The following PPIP5K2 variants were observed in gnomAD, a reference collection of about 807,000 sequenced individuals.
PPIP5K2 encodes the protein inositol hexakisphosphate and diphosphoinositol-pentakisphosphate kinase 2.
A neutral mutation model predicts 154.6 loss-of-function variants in PPIP5K2; 105 were observed. That is an observed-to-expected ratio of 0.68 (90% CI 0.58 to 0.80). The LOEUF (loss-of-function observed/expected upper bound fraction) is 0.80, where lower values mean the gene tolerates loss of function less well. Ranked by LOEUF, PPIP5K2 falls within the 30% of genes least tolerant of loss-of-function variation. The probability of loss-of-function intolerance (pLI) is 0.00; values close to 1 mark genes in which losing one functional copy is unlikely to be tolerated. For missense variants in PPIP5K2, 992 were observed against 1,504.6 expected (o/e 0.66, Z 5.64); for synonymous variants, 480 against 490.3 (o/e 0.98, Z 0.28).
At chr5:103,172,612 C>T (rs1268923609) in intron 19 of PPIP5K2, among the ~76,000 whole-genome samples, 1 of 151,458 alleles carries the variant, frequency 6.6e-6, no homozygotes, top group African/African-American at 2.4e-5. Context: ...TGTGCTAATT[C>T]CTTACAAATC....
At chr5:103,197,893 T>A (rs1461376245) in intron 30 of PPIP5K2, among the ~76,000 whole-genome samples, 2 of 151,790 alleles carry the variant, frequency 1.3e-5, no homozygotes, top group South Asian at 2.1e-4. Flanking sequence ...ACACAATTTT[T>A]AAAAAATTAT....
intron 29 of PPIP5K2, among the ~76,000 whole-genome samples, chr5:103,193,796 C>G (rs1160074778): frequency 6.6e-6 from 1 of 152,138 alleles, no homozygotes; most frequent in Non-Finnish European, 1.5e-5. Flanking sequence ...CAAAAGCATG[C>G]TGCCTCTCCC....
At chr5:103,150,034 T>G (rs564856137) in intron 8 of PPIP5K2, among the ~76,000 whole-genome samples, 1 of 152,288 alleles carries the variant, frequency 6.6e-6, no homozygotes, top group South Asian at 2.1e-4. Flanking sequence ...CTTCTGACAT[T>G]TGACTAATTC....
intron 7 of PPIP5K2, among the ~76,000 whole-genome samples, 190 bp from the exon 8 acceptor site, chr5:103,148,962 A>G (rs1196652485): frequency 6.6e-6 from 1 of 152,174 alleles, no homozygotes; most frequent in Non-Finnish European, 1.5e-5. Flanking sequence ...CAATTTTGCT[A>G]TATAATGATT....
rs116028456 is a variant in PPIP5K2, at chr5:103,203,873, G to A, written c.*2239G>A. The A allele has an allele frequency of 4.2e-4, 64 of 152,260 alleles. No homozygotes were observed. Among genetic ancestry groups the A allele is most frequent in the African/African-American group, 1.4e-3 (58 of 41,556 alleles). 9.4% of individuals were successfully genotyped at this position (152,260 alleles called of 1,614,324 possible). A position where few individuals can be genotyped will look rare whatever the true frequency, so the allele number is the denominator to read the frequency against. On this transcript the variant is annotated 3_prime_UTR_variant, in exon 31 of 31. Transcript: ENST00000358359. ...TCAAATACTAGCAAATTTGGGGGGCGTGGTACAGCAATTTTGGGTGAAGAA... is the reference window on the plus strand; with the variant it reads ...TCAAATACTAGCAAATTTGGGGGGCATGGTACAGCAATTTTGGGTGAAGAA...
intron 1 of PPIP5K2, among the ~76,000 whole-genome samples, chr5:103,124,991 G>A (rs536892510): frequency 3.3e-5 from 5 of 152,162 alleles, no homozygotes; most frequent in Admixed American, 2.0e-4. Context: ...CGAATGATTC[G>A]GAGAAGGTCT....
chr5:103,200,427 T>C (rs781937594), intron 30 of PPIP5K2, among the ~76,000 whole-genome samples: 13 of 151,560 alleles, frequency 8.6e-5, no homozygotes, highest in Non-Finnish European at 1.9e-4. Context: ...TTCCAAGTGC[T>C]GATTCTTATC....
Position 103,173,851 on chromosome 5 carries a change from A to AT in PPIP5K2, c.2415-3dup. 1 of 1,515,492 alleles carries AT rather than the reference A, an allele frequency of 6.6e-7. No homozygotes were observed. The highest frequency in any genetic ancestry group is 9.1e-7 in the Non-Finnish European group (1 of 1,094,330). 93.9% of individuals were successfully genotyped at this position (1,515,492 alleles called of 1,614,324 possible). On this transcript the variant is annotated splice_region_variant and splice_polypyrimidine_tract_variant and intron_variant, in intron 20 of 30. Coordinates refer to ENST00000358359, the MANE Select transcript of PPIP5K2 (RefSeq NM_001276277.3). ...TATGTTTGAACACTGTCTGCTTCTA[A>AT]TTTTAGGTATTCTAGAGGTGTTCTG...
Position 103,211,908 on chromosome 5 carries a change from G to C in PPIP5K2, c.*10274G>C, listed in dbSNP as rs1803828501. On this transcript the variant is annotated 3_prime_UTR_variant, in exon 31 of 31. Transcript: ENST00000358359. ...TAAAATATTTATTTTGGAAATATAT[G>C]TTACAGGTGAAAAGCAAGAATTAAA... is the stretch of plus-strand genomic sequence containing the variant. 1 of 152,112 alleles carries C rather than the reference G, an allele frequency of 6.6e-6. No homozygotes were observed. The highest frequency in any genetic ancestry group is 2.4e-5 in the African/African-American group (1 of 41,444). The allele number at this position is 152,112 out of a possible 1,614,324, so 9.4% of individuals were successfully genotyped here. A position where few individuals can be genotyped will look rare whatever the true frequency, so the allele number is the denominator to read the frequency against.
rs1188480240 is a variant in PPIP5K2 at position 103,152,744 on chromosome 5, A to C, written c.1125A>C (p.Gly375=). Reference sequence around the variant, plus strand: ...TCCCAATTGTACCAACTACATCTGGAACTATGTAAGTCTGAATTATTTTCA... The same window carrying C: ...TCCCAATTGTACCAACTACATCTGGCACTATGTAAGTCTGAATTATTTTCA... ...EDIPIVPTTS[G]TMMELRCVIA... The change falls in exon 10 of 31, where the codon GGA becomes GGC. Residue 375 remains glycine, a synonymous_variant. Coordinates refer to ENST00000358359, the MANE Select transcript of PPIP5K2 (RefSeq NM_001276277.3). 8.4e-6 allele frequency: 13 copies of C among 1,539,628 alleles called. No individual in the cohort carries two copies. The highest frequency in any genetic ancestry group is 3.4e-4 in the Middle Eastern group (2 of 5,932).
At chr5:103,199,959 G>C (rs187393340) in intron 30 of PPIP5K2, among the ~76,000 whole-genome samples, 7 of 152,230 alleles carry the variant, frequency 4.6e-5, no homozygotes, top group African/African-American at 1.7e-4. Flanking sequence ...TTCTCAGCAG[G>C]AAAGATGTTT....
At position 103,201,893 on chromosome 5, in the gene PPIP5K2, G is replaced by C. The variant is rs1282226013; in HGVS notation, c.*259G>C. The C allele has an allele frequency of 2.9e-6, 1 of 349,464 alleles. No individual in the cohort carries two copies. The highest frequency in any genetic ancestry group is 5.2e-6 in the Non-Finnish European group (1 of 191,132). The allele number at this position is 349,464 out of a possible 1,614,324, so 21.6% of individuals were successfully genotyped here. On this transcript the variant is annotated 3_prime_UTR_variant, in exon 31 of 31. Coordinates refer to ENST00000358359, the MANE Select transcript of PPIP5K2 (RefSeq NM_001276277.3). ...TACCATGTGCACATAGTAATGAAAA[G>C]GAACATAAAAGCCCAGCAGGCTCGT...
At chr5:103,180,495 G>A in intron 24 of PPIP5K2, among the ~76,000 whole-genome samples, 1 of 151,808 alleles carries the variant, frequency 6.6e-6, no homozygotes, top group African/African-American at 2.4e-5. Context: ...ATTTACATTA[G>A]GTTGATCTTC....
chr5:103,121,685 T>C (rs1451226390), intron 1 of PPIP5K2, among the ~76,000 whole-genome samples: 2 of 152,264 alleles, frequency 1.3e-5, no homozygotes, highest in Non-Finnish European at 2.9e-5. Context: ...CCCAGAATAC[T>C]GTACTTACTG....
intron 3 of PPIP5K2, among the ~76,000 whole-genome samples, 157 bp from the exon 4 acceptor site, chr5:103,136,575 A>G (rs1791536448): frequency 6.6e-6 from 1 of 152,204 alleles, no homozygotes; most frequent in Admixed American, 6.5e-5. Context: ...TATATAAGTT[A>G]AATCAAGGTT....
At chr5:103,181,626 T>C (rs1799570686) in intron 24 of PPIP5K2, among the ~76,000 whole-genome samples, 1 of 151,986 alleles carries the variant, frequency 6.6e-6, no homozygotes, top group Non-Finnish European at 1.5e-5. Flanking sequence ...TATGTGTATA[T>C]GTGTGTAAAG....
In PPIP5K2 at chr5:103,154,900, G is replaced by T. The variant is rs1554212615; in HGVS notation, c.1360G>T (p.Glu454Ter). 6.2e-7 allele frequency: 1 copy of T among 1,605,890 alleles called. No homozygotes were observed. Among genetic ancestry groups the T allele is most frequent in the Admixed American group, 1.7e-5 (1 of 58,958 alleles). The change falls in exon 13 of 31, where the codon GAA becomes TAA. Residue 454 changes from glutamate to a stop codon, truncating the protein, a stop_gained. Coordinates refer to ENST00000358359, the MANE Select transcript of PPIP5K2 (RefSeq NM_001276277.3). LOFTEE classifies it high-confidence loss of function. ...LGQNNDSEIE[E>*]NKPKLEQLKT... ...GCAAAATAATGATTCTGAAATTGAA[G>T]AAAACAAGCCAAAACTTGAACAACT...
intron 30 of PPIP5K2, among the ~76,000 whole-genome samples, chr5:103,201,081 G>C (rs576400086): frequency 4.3e-4 from 65 of 152,312 alleles, no homozygotes; most frequent in African/African-American, 1.5e-3. Context: ...GGAAATAGAT[G>C]CTTGTAGAGA....
chr5:103,188,129 C>A (rs1484598749), intron 28 of PPIP5K2, among the ~76,000 whole-genome samples: 1 of 152,000 alleles, frequency 6.6e-6, no homozygotes, highest in Non-Finnish European at 1.5e-5. Context: ...GTTTCATGAC[C>A]ATTATTGTAA....
Sources: allele counts gnomAD v4.1 joint callset (sites outside exome capture counted in the v4.1 genomes callset), GRCh38; gene constraint gnomAD v4.1.1; transcripts MANE v1.5; gene names NCBI Gene and HGNC (gene_info 2026-07-23, HGNC 2026-07-21).